SNX29: variants seen among roughly 807,000 people sequenced by gnomAD.
SNX29 encodes sorting nexin-29.
Under a neutral mutation model 102.1 loss-of-function variants are expected in SNX29, and 78 were observed. The observed-to-expected ratio is 0.76, with a 90% confidence interval of 0.64 to 0.92. The LOEUF (loss-of-function observed/expected upper bound fraction) is 0.92. Among genes scored for constraint, SNX29 ranks in the 40% least tolerant of loss-of-function variants. The probability of loss-of-function intolerance (pLI) is 0.00; values close to 1 mark genes in which losing one functional copy is unlikely to be tolerated. For missense variants in SNX29, 1,280 were observed against 1,061.7 expected, an observed-to-expected ratio of 1.21 and a Z score of -2.86; for synonymous variants, 580 against 414.5, an observed-to-expected ratio of 1.40 and a Z score of -4.85.
intron 11 of SNX29, among the ~76,000 whole-genome samples, chr16:12,115,800 C>T (rs954709066): frequency 6.6e-6 from 1 of 152,196 alleles, no homozygotes; most frequent in Non-Finnish European, 1.5e-5. Context: ...TTGTGAAACA[C>T]ATGTGTACCT....
At chr16:12,541,785 G>A (rs1018814456) in intron 20 of SNX29, among the ~76,000 whole-genome samples, 3 of 152,148 alleles carry the variant, frequency 2.0e-5, no homozygotes, top group African/African-American at 4.8e-5. Flanking sequence ...CCAACCCCCT[G>A]GAATGGAAAG....
intron 18 of SNX29, among the ~76,000 whole-genome samples, chr16:12,406,405 C>G (rs1315516894): frequency 1.3e-5 from 2 of 152,310 alleles, no homozygotes. Flanking sequence ...TAGACAATCC[C>G]CATCTACATT....
At chr16:12,254,753 T>C (rs533444905) in intron 14 of SNX29, among the ~76,000 whole-genome samples, 22 of 152,200 alleles carry the variant, frequency 1.4e-4, no homozygotes, top group African/African-American at 5.1e-4. Context: ...AGCTGTGTTG[T>C]GGCTGCCGAT....
rs565964892 is a variant in SNX29 at position 12,544,233 on chromosome 16, AAGATTGAAACTAACTTACCC to A, written c.2318+19399_2318+19418del. 3.8e-3 allele frequency among the ~76,000 whole-genome samples: 582 copies of A among 152,302 alleles called. 1 individual carries two copies. Among genetic ancestry groups the A allele is most frequent in the African/African-American group, 0.012 (513 of 41,554 alleles). On this transcript the variant is annotated intron_variant, in intron 20 of 20. Coordinates refer to ENST00000566228, the MANE Select transcript of SNX29 (RefSeq NM_032167.5). ...GTGACAGCCGGTTCCTCACCACACCAAGATTGAAACTAACTTACCCAGATTGCAACTCAGGACTTTACACT... is the reference window on the plus strand; with the variant it reads ...GTGACAGCCGGTTCCTCACCACACCAAGATTGCAACTCAGGACTTTACACT...
chr16:12,261,012 C>T (rs2078733160), intron 14 of SNX29, among the ~76,000 whole-genome samples: 1 of 146,534 alleles, frequency 6.8e-6, no homozygotes, highest in Admixed American at 6.8e-5. Flanking sequence ...GAGCTCGGGT[C>T]TGTGCACGTG....
In SNX29 at chr16:12,572,868, G is replaced by T. The variant is rs562323254; in HGVS notation, c.*4239G>T. 1.2e-5 allele frequency: 13 copies of T among 1,062,854 alleles called. No individual in the cohort carries two copies. In the Admixed American group the frequency reaches 7.0e-4, roughly 57 times the overall value. The allele number at this position is 1,062,854 out of a possible 1,614,324, so 65.8% of individuals were successfully genotyped here. A position where few individuals can be genotyped will look rare whatever the true frequency, so the allele number is the denominator to read the frequency against. On this transcript the variant is annotated 3_prime_UTR_variant, in exon 21 of 21. Coordinates refer to ENST00000566228, the MANE Select transcript of SNX29 (RefSeq NM_032167.5). ...CCCAGGTTTCAGCCCTAAAGGTAAT[G>T]ATTGTCTTGACTCTGCCTTGGCATT...
intron 14 of SNX29, among the ~76,000 whole-genome samples, chr16:12,224,140 G>C (rs1323884974): frequency 6.6e-6 from 1 of 152,150 alleles, no homozygotes; most frequent in Non-Finnish European, 1.5e-5. Flanking sequence ...TTCTCAGCAT[G>C]TAAAATACTA....
rs148240246 is a variant in SNX29 at position 12,019,170 on chromosome 16, G to T, written c.123-8150G>T. Among the ~76,000 whole-genome samples the T allele has an allele frequency of 3.0e-3, 457 of 152,154 alleles. 2 individuals carry two copies. The highest frequency in any genetic ancestry group is 0.01 in the African/African-American group (434 of 41,510). On this transcript the variant is annotated intron_variant, in intron 3 of 20. Coordinates refer to ENST00000566228, the MANE Select transcript of SNX29 (RefSeq NM_032167.5). ...ATGCTTGTTTTAGCAAATGAGTTAG[G>T]TTCAGAAAAGTATGAAAGCAAGAAA...
At chr16:12,113,964 A>G (rs188894022) in intron 11 of SNX29, among the ~76,000 whole-genome samples, 62 of 152,360 alleles carry the variant, frequency 4.1e-4, no homozygotes, top group Middle Eastern at 3.4e-3. Context: ...TAGATGTAAC[A>G]TCTGAGACCC....
intron 13 of SNX29, among the ~76,000 whole-genome samples, chr16:12,196,679 G>C (rs917854917): frequency 1.4e-5 from 2 of 142,184 alleles, no homozygotes; most frequent in Non-Finnish European, 3.0e-5. Context: ...GGAGTGCAGT[G>C]GCATGATCTT....
At chr16:12,386,218 A>G (rs2083335582) in intron 16 of SNX29, among the ~76,000 whole-genome samples, 1 of 152,206 alleles carries the variant, frequency 6.6e-6, no homozygotes, top group Non-Finnish European at 1.5e-5. Flanking sequence ...TAAGCCAGTG[A>G]AAGACTCTTC....
chr16:12,153,362 C>T (rs1467413789), intron 13 of SNX29, among the ~76,000 whole-genome samples: 6 of 152,124 alleles, frequency 3.9e-5, no homozygotes. Context: ...TTGGTACCCA[C>T]TCTGGATCTC....
chr16:12,468,278 A>C (rs1295768205), intron 18 of SNX29, among the ~76,000 whole-genome samples: 2 of 143,350 alleles, frequency 1.4e-5, no homozygotes, highest in South Asian at 2.2e-4. Flanking sequence ...AGTTTCAGGC[A>C]GTTCTCATGT....
chr16:12,551,886 C>G (rs750387661), intron 20 of SNX29, among the ~76,000 whole-genome samples: 17 of 152,176 alleles, frequency 1.1e-4, no homozygotes, highest in Non-Finnish European at 1.8e-4. Context: ...CCTGTCTGCT[C>G]ATCTGTAAGG....
At chr16:12,207,720 TCTC>T (rs2077081375) in intron 14 of SNX29, among the ~76,000 whole-genome samples, 2 of 152,252 alleles carry the variant, frequency 1.3e-5, no homozygotes, top group South Asian at 2.1e-4. Flanking sequence ...ATCCAGCTCT[TCTC>T]CTGTCACCTG....
intron 16 of SNX29, among the ~76,000 whole-genome samples, chr16:12,379,887 G>A (rs753431665): frequency 2.0e-5 from 3 of 152,256 alleles, no homozygotes; most frequent in South Asian, 4.1e-4. Context: ...AGGCACTGGT[G>A]TGTGTGTTTG....
chr16:11,979,344 T>C (rs577356486), intron 1 of SNX29, among the ~76,000 whole-genome samples: 1 of 149,734 alleles, frequency 6.7e-6, no homozygotes, highest in East Asian at 2.0e-4. Context: ...AACAAATGAC[T>C]TTTTAGGAAA....
rs183171208 is a variant in SNX29, at chr16:12,314,456, G to C, written c.1782+36420G>C. ...CTCTTGGCTCCGTGACTTCCTAGCC[G>C]TGTGGCCTCAGCCGAGTTCCCTAGC... On this transcript the variant is annotated intron_variant, in intron 15 of 20. Transcript: ENST00000566228. 9.9e-4 allele frequency among the ~76,000 whole-genome samples: 151 copies of C among 152,354 alleles called. 1 individual carries two copies. The highest frequency in any genetic ancestry group is 3.5e-3 in the African/African-American group (144 of 41,584).
intron 15 of SNX29, among the ~76,000 whole-genome samples, chr16:12,307,642 A>G (rs1271108704): frequency 6.6e-6 from 1 of 152,256 alleles, no homozygotes; most frequent in African/African-American, 2.4e-5. Flanking sequence ...TAGAGGCTAC[A>G]CAGGGTCATG....
Sources: gnomAD v4.1 joint callset for allele counts (sites outside exome capture counted in the v4.1 genomes callset) on GRCh38, gnomAD v4.1.1 for gene constraint, MANE v1.5 for transcripts, NCBI Gene and HGNC (gene_info 2026-07-23, HGNC 2026-07-21) for gene names.